Variants in HECW1 observed in about 807,000 individuals in gnomAD.
The protein encoded by HECW1 is HECT, C2 and WW domain containing E3 ubiquitin protein ligase 1, also known as E3 ubiquitin-protein ligase HECW1.
Under a neutral mutation model 182.3 loss-of-function variants are expected in HECW1, and 61 were observed. The ratio of observed to expected loss-of-function variants is 0.33; its 90% CI spans 0.27 to 0.41. The LOEUF is 0.41. HECW1 is among the 10% of genes least tolerant of loss of function. HECW1 has a pLI of 1.00. For missense variants in HECW1, 1,739 were observed against 2,108.9 expected, an observed-to-expected ratio of 0.82 and a Z score of 3.44; for synonymous variants, 859 against 832.6, an observed-to-expected ratio of 1.03 and a Z score of -0.55.
At chr7:43,163,759 C>T (rs774829698) in intron 2 of HECW1, among the ~76,000 whole-genome samples, 4 of 152,084 alleles carry the variant, frequency 2.6e-5, no homozygotes, top group Non-Finnish European at 5.9e-5. Flanking sequence ...CATGTGGCTG[C>T]CAGGAACCCT....
intron 17 of HECW1, among the ~76,000 whole-genome samples, chr7:43,487,136 G>A (rs2078675939): frequency 6.6e-6 from 1 of 152,162 alleles, no homozygotes; most frequent in South Asian, 2.1e-4. Context: ...CTGTGAACTT[G>A]CTACATTTTT....
chr7:43,537,259 T>C (rs556777687), intron 24 of HECW1, among the ~76,000 whole-genome samples: 16 of 152,350 alleles, frequency 1.1e-4, no homozygotes, highest in Middle Eastern at 6.8e-3. Context: ...CCGCTACTCC[T>C]GTAGGGTCTT....
At chr7:43,260,010 C>T (rs984155957) in intron 3 of HECW1, among the ~76,000 whole-genome samples, 1 of 152,114 alleles carries the variant, frequency 6.6e-6, no homozygotes, top group Non-Finnish European at 1.5e-5. Context: ...CACACCCAGG[C>T]ACATCATAGT....
chr7:43,492,024 A>T, intron 17 of HECW1, 51 bp from the exon 18 acceptor site: 2 of 1,340,452 alleles, frequency 1.5e-6, no homozygotes, highest in South Asian at 1.2e-5. Context: ...ATCAAGAGAC[A>T]TCTGAAATTG....
chr7:43,545,710 G>T (rs1267160215), intron 26 of HECW1, among the ~76,000 whole-genome samples: 1 of 152,024 alleles, frequency 6.6e-6, no homozygotes, highest in African/African-American at 2.4e-5. Flanking sequence ...ATAAGGAAGA[G>T]AAAATATATT....
rs534621259 is a variant in HECW1, at chr7:43,256,550, A to G, written c.27+12618A>G. On this transcript the variant is annotated intron_variant, in intron 3 of 29. Coordinates refer to ENST00000395891, the MANE Select transcript of HECW1 (RefSeq NM_015052.5). ...CTTGAACCTGGGAGGCAGAGGTTGC[A>G]GTGAGCCAAGATTGCGCCACTGCAC... Among the ~76,000 whole-genome samples the G allele has an allele frequency of 2.0e-5, 3 of 151,300 alleles. No individual in the cohort carries two copies. The East Asian group carries it at 5.8e-4, about 29-fold the overall frequency.
chr7:43,240,704 C>G (rs1471065758), intron 2 of HECW1, among the ~76,000 whole-genome samples: 2 of 152,222 alleles, frequency 1.3e-5, no homozygotes, highest in Non-Finnish European at 2.9e-5. Flanking sequence ...GGTGGTGTCA[C>G]TGCCAGTCAG....
chr7:43,244,259 T>A (rs539376312), intron 3 of HECW1, among the ~76,000 whole-genome samples: 7 of 152,356 alleles, frequency 4.6e-5, no homozygotes, highest in African/African-American at 1.4e-4. Flanking sequence ...AGAGCTCCGC[T>A]GTCTATGGGT....
chr7:43,119,804 C>T (rs1352543331), intron 2 of HECW1, among the ~76,000 whole-genome samples: 2 of 152,144 alleles, frequency 1.3e-5, no homozygotes, highest in African/African-American at 2.4e-5. Flanking sequence ...TTTTCTCACC[C>T]AGATCCAGCT....
At chr7:43,233,260 A>G (rs983242191) in intron 2 of HECW1, among the ~76,000 whole-genome samples, 2 of 152,180 alleles carry the variant, frequency 1.3e-5, no homozygotes, top group African/African-American at 4.8e-5. Context: ...AGCCCTCCAT[A>G]TCCTATCACC....
intron 2 of HECW1, among the ~76,000 whole-genome samples, chr7:43,134,471 G>T (rs1468764487): frequency 6.6e-6 from 1 of 151,226 alleles, no homozygotes; most frequent in Non-Finnish European, 1.5e-5. Context: ...TAGATTTTTG[G>T]GAAAGTCTAT....
intron 5 of HECW1, among the ~76,000 whole-genome samples, chr7:43,354,108 A>G (rs1479917547): frequency 1.3e-5 from 2 of 151,978 alleles, no homozygotes; most frequent in Admixed American, 1.3e-4. Context: ...AAAGGAGGCA[A>G]TTATTTATAG....
intron 3 of HECW1, chr7:43,249,007 G>A (rs1042146897): frequency 2.6e-5 from 4 of 152,310 alleles, no homozygotes; most frequent in African/African-American, 9.6e-5. Flanking sequence ...CACTGCCCTG[G>A]GTGAGCTGAG....
At chr7:43,327,057 C>T (rs1025300200) in intron 5 of HECW1, among the ~76,000 whole-genome samples, 2 of 152,252 alleles carry the variant, frequency 1.3e-5, no homozygotes, top group African/African-American at 4.8e-5. Flanking sequence ...CTAAGGACTG[C>T]ACCGCGGGCT....
chr7:43,407,084 A>G (rs966693496), intron 7 of HECW1, among the ~76,000 whole-genome samples: 9 of 152,124 alleles, frequency 5.9e-5, no homozygotes, highest in Non-Finnish European at 1.3e-4. Flanking sequence ...AATTAAACAG[A>G]ACAGCTCGAT....
intron 3 of HECW1, among the ~76,000 whole-genome samples, chr7:43,251,193 T>A (rs1028369874): frequency 1.3e-5 from 2 of 152,226 alleles, no homozygotes; most frequent in African/African-American, 2.4e-5. Context: ...CCAGGCCAAG[T>A]CACAGAAGCT....
chr7:43,195,504 G>A (rs925717350), intron 2 of HECW1, among the ~76,000 whole-genome samples: 1 of 152,050 alleles, frequency 6.6e-6, no homozygotes, highest in African/African-American at 2.4e-5. Context: ...TGGTAGCCAC[G>A]CCTCTTATGT....
intron 24 of HECW1, among the ~76,000 whole-genome samples, chr7:43,537,379 A>G (rs145493390): frequency 7.2e-5 from 11 of 152,340 alleles, no homozygotes; most frequent in African/African-American, 2.6e-4. Flanking sequence ...TAGACACACT[A>G]TCTTAGATCC....
At chr7:43,485,009 A>T (rs1410108851) in intron 17 of HECW1, among the ~76,000 whole-genome samples, 2 of 152,234 alleles carry the variant, frequency 1.3e-5, no homozygotes, top group South Asian at 2.1e-4. Context: ...ATCAATAAGG[A>T]AGGATAAGCA....
Sources: allele counts gnomAD v4.1 joint callset (sites outside exome capture counted in the v4.1 genomes callset), GRCh38; gene constraint gnomAD v4.1.1; transcripts MANE v1.5; gene names NCBI Gene and HGNC (gene_info 2026-07-23, HGNC 2026-07-21).